The following C8orf34 variants were observed in gnomAD, a reference collection of about 807,000 sequenced individuals.
The protein encoded by C8orf34 is chromosome 8 open reading frame 34, also known as uncharacterized protein C8orf34.
A neutral mutation model predicts 68.3 loss-of-function variants in C8orf34; 65 were observed. The observed-to-expected ratio is 0.95, with a 90% CI of 0.78 to 1.17. C8orf34 has a LOEUF of 1.17. C8orf34 is among the 50% of genes most tolerant of loss of function. The pLI, the probability that C8orf34 is intolerant of heterozygous loss-of-function variation, is 0.00. For synonymous variants in C8orf34, 244 were observed against 241.2 expected, an observed-to-expected ratio of 1.01 and a Z score of -0.11; for missense variants, 664 against 655.4, an observed-to-expected ratio of 1.01 and a Z score of -0.14.
chr8:68,632,120 A>G (rs1818707289), intron 7 of C8orf34, among the ~76,000 whole-genome samples: 1 of 152,168 alleles, frequency 6.6e-6, no homozygotes, highest in Admixed American at 6.5e-5. Flanking sequence ...AGACTTGTTG[A>G]ATAGTTTTGA....
At chr8:68,818,094 T>G in intron 13 of C8orf34, 145 bp from the exon 14 acceptor site, 4 of 685,062 alleles carry the variant, frequency 5.8e-6, no homozygotes, top group Non-Finnish European at 1.0e-5. Context: ...ATATGATTAA[T>G]AGAGGTAGTA....
intron 1 of C8orf34, among the ~76,000 whole-genome samples, chr8:68,370,216 C>T (rs1586002858): frequency 6.6e-6 from 1 of 152,162 alleles, no homozygotes; most frequent in Non-Finnish European, 1.5e-5. Context: ...TTTCTGTAGG[C>T]TGCCCATCTA....
intron 8 of C8orf34, chr8:68,695,875 T>C (rs1820817527): frequency 6.6e-6 from 1 of 152,150 alleles, no homozygotes; most frequent in East Asian, 1.9e-4. Context: ...TAATCTATCA[T>C]GTGTTTTGAT....
At chr8:68,535,901 A>G in intron 7 of C8orf34, 2 of 974,572 alleles carry the variant, frequency 2.1e-6, no homozygotes, top group Non-Finnish European at 2.4e-6. Flanking sequence ...TGAGTAAAGT[A>G]TCTGCCAAGT....
At chr8:68,535,322 T>C (rs1815419707) in intron 7 of C8orf34, 5 of 982,174 alleles carry the variant, frequency 5.1e-6, no homozygotes, top group South Asian at 9.4e-5. Context: ...GTGTGTGCTA[T>C]AGCTTATGTG....
At chr8:68,536,737 A>G (rs1331178778) in intron 7 of C8orf34, among the ~76,000 whole-genome samples, 1 of 152,150 alleles carries the variant, frequency 6.6e-6, no homozygotes, top group African/African-American at 2.4e-5. Flanking sequence ...GTATATAAAA[A>G]TCAAATTCCA....
chr8:68,334,821 A>G lies in C8orf34; in HGVS notation c.327+3482A>G, dbSNP rs139525263. Among the ~76,000 whole-genome samples, 189 of 152,310 alleles carry G rather than the reference A, an allele frequency of 1.2e-3. 2 individuals are homozygous for G. The highest frequency in any genetic ancestry group is 4.5e-3 in the African/African-American group (186 of 41,570). The stretch of plus-strand genomic sequence containing the variant: ...AAATTTGCATTAACTGATTTGGCAT[A>G]TATGTTATAAAATGGACTTATCAAA... On this transcript the variant is annotated intron_variant, in intron 1 of 13. Coordinates refer to ENST00000518698, the MANE Select transcript of C8orf34 (RefSeq NM_052958.4).
chr8:68,764,118 A>T (rs1169892299), intron 10 of C8orf34, among the ~76,000 whole-genome samples: 1 of 152,200 alleles, frequency 6.6e-6, no homozygotes, highest in African/African-American at 2.4e-5. Context: ...TTGGACATAC[A>T]GGTACAGATA....
At chr8:68,716,485 A>G (rs1011282981) in intron 9 of C8orf34, among the ~76,000 whole-genome samples, 5 of 152,194 alleles carry the variant, frequency 3.3e-5, no homozygotes, top group Non-Finnish European at 5.9e-5. Context: ...AAGTATGAAT[A>G]TACATTTTAC....
intron 2 of C8orf34, among the ~76,000 whole-genome samples, chr8:68,441,040 G>C (rs898174957): frequency 2.0e-5 from 3 of 152,084 alleles, no homozygotes; most frequent in Non-Finnish European, 4.4e-5. Context: ...TCCTGACCTC[G>C]TGATCCGCCC....
intron 7 of C8orf34, among the ~76,000 whole-genome samples, chr8:68,614,659 T>G (rs76880216): frequency 0.3 from 44,837 of 151,882 alleles, 8,434 homozygotes; most frequent in African/African-American, 0.55. Context: ...TCTCTGTTTT[T>G]GTACCAGTAC....
chr8:68,733,572 A>AT (rs545919365), intron 10 of C8orf34, among the ~76,000 whole-genome samples: 258 of 150,314 alleles, frequency 1.7e-3, no homozygotes, highest in African/African-American at 5.0e-3. Context: ...TTCTTATATG[A>AT]TTTTTTTTTT....
intron 1 of C8orf34, among the ~76,000 whole-genome samples, chr8:68,396,669 T>C (rs902773041): frequency 7.6e-6 from 1 of 131,398 alleles, no homozygotes; most frequent in East Asian, 2.2e-4. Context: ...CTTCCAGTAA[T>C]GAGTGAATTC....
rs368556435 is a variant in C8orf34 at position 68,646,935 on chromosome 8, A to C, written c.1241+6424A>C. Among the ~76,000 whole-genome samples the C allele has an allele frequency of 1.9e-4, 29 of 152,336 alleles. No homozygotes were observed. In the East Asian group the frequency reaches 3.5e-3, roughly 18 times the overall value. The stretch of plus-strand genomic sequence containing the variant: ...AATGCTGCAATGAACTTGGGAATGC[A>C]GATATCACTGTGACATGCTGTTTTT... On this transcript the variant is annotated intron_variant, in intron 8 of 13. Transcript: ENST00000518698.
intron 3 of C8orf34, chr8:68,447,172 A>C (rs1463892689): frequency 6.6e-6 from 1 of 152,464 alleles, no homozygotes; most frequent in Non-Finnish European, 1.5e-5. Context: ...TAGCAGAGGG[A>C]GGTGCCAGGC....
chr8:68,524,580 C>T (rs1010644271), intron 6 of C8orf34, among the ~76,000 whole-genome samples: 8 of 152,058 alleles, frequency 5.3e-5, no homozygotes, highest in East Asian at 1.9e-4. Context: ...AGGAATTCAC[C>T]GAACAGAGAG....
intron 1 of C8orf34, chr8:68,439,288 G>T (rs893702534): frequency 7.1e-6 from 3 of 422,612 alleles, no homozygotes; most frequent in Non-Finnish European, 1.3e-5. Context: ...TATTAGCTGT[G>T]TAATATAGAC....
At chr8:68,530,748 A>T in intron 6 of C8orf34, 1 of 395,908 alleles carries the variant, frequency 2.5e-6, no homozygotes, top group African/African-American at 2.2e-5. Flanking sequence ...TTGGAATGAT[A>T]TCGAGGGTTA....
At chr8:68,589,183 T>C (rs1343982459) in intron 7 of C8orf34, among the ~76,000 whole-genome samples, 1 of 152,172 alleles carries the variant, frequency 6.6e-6, no homozygotes, top group African/African-American at 2.4e-5. Flanking sequence ...TCCTTCAAAA[T>C]CAAGGATGAA....
Sources: allele counts gnomAD v4.1 joint callset (sites outside exome capture counted in the v4.1 genomes callset), GRCh38; gene constraint gnomAD v4.1.1; transcripts MANE v1.5; gene names NCBI Gene and HGNC (gene_info 2026-07-23, HGNC 2026-07-21).